The following KISS1 variants were observed in gnomAD, a reference collection of about 807,000 sequenced individuals.
KISS1 encodes KiSS-1 metastasis suppressor, also known as metastasis-suppressor KiSS-1.
For missense variants in KISS1, 182 were observed against 182.7 expected (o/e 1.00, Z 0.02); for synonymous variants, 97 against 88.7 (o/e 1.09, Z -0.52).
At chr1:204,196,043 G>GAGCGGTTCCCTAGGTCCATCCA (rs1384295633) in intron 1 of KISS1, among the ~76,000 whole-genome samples, 1 of 152,162 alleles carries the variant, frequency 6.6e-6, no homozygotes, top group East Asian at 1.9e-4. Context: ...CAAGAGCCCC[G>GAGCGGTTCCCTAGGTCCATCCA]AGCGGTTCCC....
chr1:204,195,248 TAC>T (rs1174330600), intron 1 of KISS1, among the ~76,000 whole-genome samples: 58 of 1,566 alleles, frequency 0.037, no homozygotes, highest in East Asian at 0.065. Context: ...CATACACCCA[TAC>T]ACACACATCA....
intron 2 of KISS1, among the ~76,000 whole-genome samples, chr1:204,191,064 AG>A (rs1658735467): frequency 6.6e-6 from 1 of 152,206 alleles, no homozygotes; most frequent in African/African-American, 2.4e-5. Context: ...GGAAACAAAC[AG>A]GGTAGGGCAT....
At position 204,190,766 on chromosome 1, in the gene KISS1, G is replaced by T; in HGVS notation, c.135C>A (p.Ala45=). ...GQQLESLGLL[A]PGEQSLPCTE... Reference sequence around the variant, plus strand: ...TGCACGGCAGGCTCTGCTCCCCGGGGGCCAGGAGGCCCAGGGATTCTAGCT... The same window carrying T: ...TGCACGGCAGGCTCTGCTCCCCGGGTGCCAGGAGGCCCAGGGATTCTAGCT... The change falls in exon 3 of 3, where the codon GCC becomes GCA. Residue 45 remains alanine, a synonymous_variant. Transcript: ENST00000367194. The T allele has an allele frequency of 1.9e-6, 3 of 1,611,764 alleles. No homozygotes were observed. The highest frequency in any genetic ancestry group is 2.5e-6 in the Non-Finnish European group (3 of 1,179,666).
At position 204,190,430 on chromosome 1, in the gene KISS1, C is replaced by T. The variant is rs994538510; in HGVS notation, c.*54G>A. Reference sequence around the variant, plus strand: ...TACGTCCCCGCCCCCCGCCCCCGCCCCGCATGCTCTGACTCCTTTGGGGTC... The same window carrying T: ...TACGTCCCCGCCCCCCGCCCCCGCCTCGCATGCTCTGACTCCTTTGGGGTC... On this transcript the variant is annotated 3_prime_UTR_variant, in exon 3 of 3. Coordinates refer to ENST00000367194, the MANE Select transcript of KISS1 (RefSeq NM_002256.4). The T allele has an allele frequency of 1.9e-6, 2 of 1,079,960 alleles. No homozygotes were observed. Among genetic ancestry groups the T allele is most frequent in the Non-Finnish European group, 2.7e-6 (2 of 735,304 alleles). 66.9% of individuals were successfully genotyped at this position (1,079,960 alleles called of 1,614,324 possible). A position where few individuals can be genotyped will look rare whatever the true frequency, so the allele number is the denominator to read the frequency against.
chr1:204,190,904 A>T lies in KISS1; in HGVS notation c.104-107T>A, dbSNP rs534144092. 127 of 994,458 alleles carry T rather than the reference A, an allele frequency of 1.3e-4. No individual in the cohort carries two copies. The African/African-American group carries it at 1.6e-3, about 12-fold the overall frequency. The allele number at this position is 994,458 out of a possible 1,614,324, so 61.6% of individuals were successfully genotyped here. On this transcript the variant is annotated intron_variant, in intron 2 of 2. Coordinates refer to ENST00000367194, the MANE Select transcript of KISS1 (RefSeq NM_002256.4). ...TTCTTTTCCTTCCTTGACCTTTTGGAAGCTCGGAGCTCAGTGCCATGCGAA... is the reference window on the plus strand; with the variant it reads ...TTCTTTTCCTTCCTTGACCTTTTGGTAGCTCGGAGCTCAGTGCCATGCGAA...
chr1:204,190,602 G>T lies in KISS1; in HGVS notation c.299C>A (p.Ala100Glu). 6.3e-7 allele frequency: 1 copy of T among 1,593,432 alleles called. No individual in the cohort carries two copies. Among genetic ancestry groups the T allele is most frequent in the Non-Finnish European group, 8.5e-7 (1 of 1,170,216 alleles). The change falls in exon 3 of 3, where the codon GCG (alanine) becomes GAG (glutamate). Residue 100 changes from alanine to glutamate, a missense_variant. Coordinates refer to ENST00000367194, the MANE Select transcript of KISS1 (RefSeq NM_002256.4). ...GTCCTTCTCCCGCTGCACCAGCACCGCGCCCTGGGGTGCGGGGATCTGGCG... is the reference window on the plus strand; with the variant it reads ...GTCCTTCTCCCGCTGCACCAGCACCTCGCCCTGGGGTGCGGGGATCTGGCG... Reference protein sequence around the residue: ...HSRQIPAPQGAVLVQREKDLP... With the variant: ...HSRQIPAPQGEVLVQREKDLP...
chr1:204,195,715 T>TCACACA (rs36226771), intron 1 of KISS1, among the ~76,000 whole-genome samples: 61 of 144,936 alleles, frequency 4.2e-4, no homozygotes, highest in East Asian at 1.5e-3. Context: ...TACACACATA[T>TCACACA]CACACACACA....
rs1021291505 is a variant in KISS1 at position 204,192,006 on chromosome 1, C to T, written c.103+768G>A. ...GGCAAACGACACCCGGGGCCGTGTC[C>T]TCTGTGCTCTGGAAGGTCTTATGGG... On this transcript the variant is annotated intron_variant, in intron 2 of 2. Coordinates refer to ENST00000367194, the MANE Select transcript of KISS1 (RefSeq NM_002256.4). This position sits in a 1 kb window ranked among gnomAD's most constrained non-coding sequence, Gnocchi z 4.2. Among the ~76,000 whole-genome samples the T allele has an allele frequency of 2.0e-5, 3 of 152,208 alleles. No homozygotes were observed. Among genetic ancestry groups the T allele is most frequent in the Non-Finnish European group, 2.9e-5 (2 of 68,044 alleles).
rs1658858219 is a variant in KISS1, at chr1:204,196,375, C to CA, written c.-39_-39+1insT. 1 of 152,406 alleles carries CA rather than the reference C, an allele frequency of 6.6e-6. No individual in the cohort carries two copies. Among genetic ancestry groups the CA allele is most frequent in the Non-Finnish European group, 1.5e-5 (1 of 68,198 alleles). 9.4% of individuals were successfully genotyped at this position (152,406 alleles called of 1,614,324 possible). A position where few individuals can be genotyped will look rare whatever the true frequency, so the allele number is the denominator to read the frequency against. Reference sequence around the variant, plus strand: ...AGGGGTGGACACTGCAGTGTGCCTACCTTGCCTCAGTCCTGGCCTGGGCAG... The same window carrying CA: ...AGGGGTGGACACTGCAGTGTGCCTACACTTGCCTCAGTCCTGGCCTGGGCAG... On this transcript the variant is annotated splice_region_variant and 5_prime_UTR_variant. Coordinates refer to ENST00000367194, the MANE Select transcript of KISS1 (RefSeq NM_002256.4).
Position 204,192,039 on chromosome 1 carries a change from G to A in KISS1, c.103+735C>T, listed in dbSNP as rs1365179274. On this transcript the variant is annotated intron_variant, in intron 2 of 2. Transcript: ENST00000367194. This position sits in a 1 kb window ranked among gnomAD's most constrained non-coding sequence, Gnocchi z 4.2. ...TCTGGAAGGTCTTATGGGCATATAC[G>A]ATGACATCAAATGTGTAGAGGGCAT... 2.0e-5 allele frequency among the ~76,000 whole-genome samples: 3 copies of A among 152,162 alleles called. No individual in the cohort carries two copies. The highest frequency in any genetic ancestry group is 2.9e-5 in the Non-Finnish European group (2 of 68,020).
chr1:204,190,601 C>T lies in KISS1; in HGVS notation c.300G>A (p.Ala100=), dbSNP rs886784330. 1.3e-6 allele frequency: 2 copies of T among 1,595,108 alleles called. No homozygotes were observed. Among genetic ancestry groups the T allele is most frequent in the Admixed American group, 1.7e-5 (1 of 57,826 alleles). Residue 100 remains alanine (A), a synonymous_variant, in exon 3 of 3, where the codon GCG becomes GCA. Transcript: ENST00000367194. The stretch of plus-strand genomic sequence containing the variant: ...GGTCCTTCTCCCGCTGCACCAGCAC[C>T]GCGCCCTGGGGTGCGGGGATCTGGC... ...HSRQIPAPQG[A]VLVQREKDLP...
chr1:204,190,897 C>T, intron 2 of KISS1, 100 bp from the exon 3 acceptor site: 1 of 1,064,224 alleles, frequency 9.4e-7, no homozygotes. Context: ...CTTCCTTGAC[C>T]TTTTGGAAGC....
At chr1:204,195,273 T>TCATACAC (rs1558254719) in intron 1 of KISS1, among the ~76,000 whole-genome samples, 4 of 4,890 alleles carry the variant, frequency 8.2e-4, no homozygotes, top group East Asian at 5.5e-3. Context: ...CACACACACA[T>TCATACAC]ACACCACACA....
chr1:204,190,866 T>C (rs1404638824), intron 2 of KISS1, 69 bp from the exon 3 acceptor site: 10 of 1,279,786 alleles, frequency 7.8e-6, no homozygotes, highest in African/African-American at 1.5e-5. Flanking sequence ...CCTCCTGTCA[T>C]CCCATCCTAT....
chr1:204,192,833 G>T lies in KISS1; in HGVS notation c.44C>A (p.Ala15Asp). The change falls in exon 2 of 3, where the codon GCC becomes GAC. Residue 15 changes from alanine to aspartate, a missense_variant. By Grantham distance (126) the Ala-to-Asp change is moderately radical. Transcript: ENST00000367194. The surrounding 1 kb of genome is among the most constrained non-coding windows in gnomAD (Gnocchi z 4.2). ...VSWQLLLFLC[A>D]THFGEPLEKV... Reference sequence around the variant, plus strand: ...TTCTAATGGCTCCCCAAAGTGGGTGGCACAGAGGAAAAGCAGTAGCTGCCA... The same window carrying T: ...TTCTAATGGCTCCCCAAAGTGGGTGTCACAGAGGAAAAGCAGTAGCTGCCA... The T allele has an allele frequency of 1.3e-6, 2 of 1,598,658 alleles. No individual in the cohort carries two copies. Among genetic ancestry groups the T allele is most frequent in the Non-Finnish European group, 1.7e-6 (2 of 1,170,988 alleles).
chr1:204,195,229 AT>A (rs1658823417), intron 1 of KISS1, among the ~76,000 whole-genome samples: 1 of 147,726 alleles, frequency 6.8e-6, no homozygotes. Flanking sequence ...ACCCATACAC[AT>A]ATACACGCAT....
At chr1:204,194,662 A>G in intron 1 of KISS1, among the ~76,000 whole-genome samples, 1 of 152,232 alleles carries the variant, frequency 6.6e-6, no homozygotes, top group Non-Finnish European at 1.5e-5. Flanking sequence ...ACAAGGGGAT[A>G]TGGGAGTCCA....
intron 1 of KISS1, among the ~76,000 whole-genome samples, chr1:204,194,426 A>C (rs1328363686): frequency 6.6e-6 from 1 of 152,200 alleles, no homozygotes; most frequent in Non-Finnish European, 1.5e-5. Flanking sequence ...TGGAGAGAAT[A>C]GTGTAAAAGC....
At chr1:204,190,834 C>T in intron 2 of KISS1, 37 bp from the exon 3 acceptor site, 4 of 1,560,444 alleles carry the variant, frequency 2.6e-6, no homozygotes, top group African/African-American at 1.4e-5. Context: ...GGCCGGGGTC[C>T]GGGAAAGATG....
Sources: allele counts gnomAD v4.1 joint callset (sites outside exome capture counted in the v4.1 genomes callset), GRCh38; gene constraint gnomAD v4.1.1; non-coding constraint Gnocchi (gnomAD v3.1); transcripts MANE v1.5; gene names NCBI Gene and HGNC (gene_info 2026-07-23, HGNC 2026-07-21).